RIN3: variants seen among roughly 807,000 people sequenced by gnomAD.
RIN3 encodes the protein Ras and Rab interactor 3, also known as RAB5 interacting protein 3.
RIN3 carries 54 observed loss-of-function variants against 76.3 expected under a neutral mutation model. The ratio of observed to expected loss-of-function variants is 0.71; its 90% CI spans 0.57 to 0.89. The LOEUF is 0.89. RIN3 is among the 40% of genes least tolerant of loss of function. The probability of loss-of-function intolerance (pLI) is 0.00; values close to 1 mark genes in which losing one functional copy is unlikely to be tolerated. For missense variants in RIN3, 1,256 were observed against 1,322.1 expected, an observed-to-expected ratio of 0.95 and a Z score of 0.78; for synonymous variants, 576 against 564.0, an observed-to-expected ratio of 1.02 and a Z score of -0.30.
intron 3 of RIN3, among the ~76,000 whole-genome samples, chr14:92,579,869 G>A (rs1898379655): frequency 6.6e-6 from 1 of 152,258 alleles, no homozygotes; most frequent in African/African-American, 2.4e-5. Flanking sequence ...ACCTCTGGCT[G>A]GGGACATGGA....
intron 1 of RIN3, among the ~76,000 whole-genome samples, chr14:92,534,196 A>T (rs996873228): frequency 1.3e-4 from 19 of 149,938 alleles, no homozygotes; most frequent in Non-Finnish European, 2.4e-4. Context: ...TGGGTATGAG[A>T]CTGATGTTCC....
chr14:92,580,818 G>A lies in RIN3; in HGVS notation c.367+3341G>A, dbSNP rs554070447. Reference sequence around the variant, plus strand: ...TAGGAGTGGGTGTGTCACCTGTGCCGCATTCCATTGGCTAGAACTTGGTCA... The same window carrying A: ...TAGGAGTGGGTGTGTCACCTGTGCCACATTCCATTGGCTAGAACTTGGTCA... On this transcript the variant is annotated intron_variant, in intron 3 of 9. Coordinates refer to ENST00000216487, the MANE Select transcript of RIN3 (RefSeq NM_024832.5). Among the ~76,000 whole-genome samples the A allele has an allele frequency of 4.6e-5, 7 of 152,312 alleles. No homozygotes were observed. The South Asian group carries it at 1.5e-3, about 32-fold the overall frequency.
chr14:92,549,480 A>G (rs1169840395), intron 1 of RIN3, among the ~76,000 whole-genome samples: 1 of 152,190 alleles, frequency 6.6e-6, no homozygotes, highest in African/African-American at 2.4e-5. Flanking sequence ...CCAAGCTGCC[A>G]TGCTCACCAC....
intron 3 of RIN3, among the ~76,000 whole-genome samples, chr14:92,590,454 C>T (rs1884940159): frequency 1.3e-5 from 2 of 152,066 alleles, no homozygotes; most frequent in Admixed American, 6.6e-5. Flanking sequence ...GTGTATGGCA[C>T]CCTCCTGCTC....
chr14:92,570,665 A>AC (rs914065337), intron 2 of RIN3, among the ~76,000 whole-genome samples: 7 of 151,724 alleles, frequency 4.6e-5, no homozygotes, highest in African/African-American at 1.5e-4. Flanking sequence ...GTCTCAAAAA[A>AC]AAAAAAAGAA....
chr14:92,614,838 G>A (rs955073082), intron 3 of RIN3, among the ~76,000 whole-genome samples: 29 of 140,006 alleles, frequency 2.1e-4, no homozygotes, highest in African/African-American at 6.0e-4. Flanking sequence ...CCAGTCTCTG[G>A]TATGTCTTTT....
chr14:92,673,508 AC>A (rs1165116183), intron 7 of RIN3, among the ~76,000 whole-genome samples: 2 of 135,512 alleles, frequency 1.5e-5, no homozygotes, highest in African/African-American at 5.3e-5. Context: ...CAAAATATCC[AC>A]TTTTTTTTTT....
chr14:92,688,084 C>T lies in RIN3; in HGVS notation c.2790C>T (p.Arg930=), dbSNP rs1182209801. 1 of 1,606,652 alleles carries T rather than the reference C, an allele frequency of 6.2e-7. No homozygotes were observed. The highest frequency in any genetic ancestry group is 8.5e-7 in the Non-Finnish European group (1 of 1,177,498). ...AHRLFVLVDG[R]CFQLADDALP... ...GGCTGTTCGTGCTGGTGGACGGGCG[C>T]TGCTTCCAGCTGGCGGACGACGCGC... The change falls in exon 10 of 10, where the codon CGC becomes CGT. Residue 930 remains arginine (R), a synonymous_variant. Coordinates refer to ENST00000216487, the MANE Select transcript of RIN3 (RefSeq NM_024832.5).
chr14:92,529,887 C>T (rs1161327423), intron 1 of RIN3, among the ~76,000 whole-genome samples: 1 of 152,182 alleles, frequency 6.6e-6, no homozygotes, highest in African/African-American at 2.4e-5. Flanking sequence ...GCTGTGAGTT[C>T]AGTGTCAATG....
At chr14:92,569,275 A>G (rs536749150) in intron 2 of RIN3, among the ~76,000 whole-genome samples, 1 of 152,326 alleles carries the variant, frequency 6.6e-6, no homozygotes, top group East Asian at 1.9e-4. Context: ...GCACAAAACC[A>G]GCTGCGGGTG....
chr14:92,545,043 A>G (rs1267332332), intron 1 of RIN3, among the ~76,000 whole-genome samples: 1 of 145,570 alleles, frequency 6.9e-6, no homozygotes, highest in Non-Finnish European at 1.5e-5. Context: ...TATTTCACTC[A>G]TTAGGGTTGA....
intron 1 of RIN3, among the ~76,000 whole-genome samples, chr14:92,538,695 A>C (rs1198961834): frequency 6.6e-6 from 1 of 152,202 alleles, no homozygotes; most frequent in African/African-American, 2.4e-5. Flanking sequence ...AGAGTTCTCT[A>C]AATACACCTG....
At chr14:92,676,630 C>G in intron 8 of RIN3, 24 bp downstream of exon 8, 1 of 1,609,992 alleles carries the variant, frequency 6.2e-7, no homozygotes, top group Non-Finnish European at 8.5e-7. Flanking sequence ...CCCTGCCCAT[C>G]AGGTGCATTG....
intron 1 of RIN3, among the ~76,000 whole-genome samples, chr14:92,540,201 G>C (rs73326382): frequency 0.2 from 31,135 of 152,198 alleles, 3,294 homozygotes; most frequent in East Asian, 0.29. Context: ...CTGGCCTGCT[G>C]TCAGCGCTTC....
At chr14:92,658,193 A>G (rs959336682) in intron 6 of RIN3, among the ~76,000 whole-genome samples, 1 of 152,242 alleles carries the variant, frequency 6.6e-6, no homozygotes, top group African/African-American at 2.4e-5. Context: ...TATGCCTCAG[A>G]GCAGTTACAA....
Position 92,685,525 on chromosome 14 carries a change from C to A in RIN3, c.2631+375C>A, listed in dbSNP as rs566627467. 2.0e-4 allele frequency: 41 copies of A among 208,544 alleles called. No individual in the cohort carries two copies. Among genetic ancestry groups the A allele is most frequent in the African/African-American group, 9.0e-4 (40 of 44,526 alleles). 12.9% of individuals were successfully genotyped at this position (208,544 alleles called of 1,614,324 possible). ...AAGGAGCCCACAGGCTCATCTACAG[C>A]CTTGCTCCTTAGTCCCTGGACAAAT... On this transcript the variant is annotated intron_variant, in intron 9 of 9. Coordinates refer to ENST00000216487, the MANE Select transcript of RIN3 (RefSeq NM_024832.5). The surrounding 1 kb of genome is among the most constrained non-coding windows in gnomAD (Gnocchi z 4.7).
chr14:92,651,436 G>C, intron 5 of RIN3, 146 bp from the exon 6 acceptor site: 1 of 531,080 alleles, frequency 1.9e-6, no homozygotes, highest in South Asian at 2.1e-5. Context: ...CGTCCAAGAG[G>C]GGAAAACAAC....
At chr14:92,603,173 A>AG in intron 3 of RIN3, among the ~76,000 whole-genome samples, 1 of 152,206 alleles carries the variant, frequency 6.6e-6, no homozygotes, top group Non-Finnish European at 1.5e-5. Context: ...AGCCTTACAG[A>AG]GGGAGACTCA....
At chr14:92,671,709 C>A (rs1358558153) in intron 7 of RIN3, among the ~76,000 whole-genome samples, 2 of 152,176 alleles carry the variant, frequency 1.3e-5, no homozygotes, top group African/African-American at 4.8e-5. Context: ...AGTCCTCAGA[C>A]CTAGGGCCCC....
Sources: gnomAD v4.1 joint callset for allele counts (sites outside exome capture counted in the v4.1 genomes callset) on GRCh38, gnomAD v4.1.1 for gene constraint, Gnocchi (gnomAD v3.1) non-coding constraint, MANE v1.5 for transcripts, NCBI Gene and HGNC (gene_info 2026-07-23, HGNC 2026-07-21) for gene names.